Variants in LTBP1 observed in about 807,000 individuals in gnomAD.
The protein encoded by LTBP1 is latent-transforming growth factor beta-binding protein 1.
In LTBP1, 129 loss-of-function variants were observed where a neutral mutation model predicts 207.6. The ratio of observed to expected loss-of-function variants is 0.62; its 90% confidence interval spans 0.54 to 0.72. LTBP1 has a LOEUF of 0.72. Ranked by LOEUF, LTBP1 falls within the 30% of genes least tolerant of loss-of-function variation. LTBP1 has a pLI of 0.00. For missense variants in LTBP1, 2,281 were observed against 2,217.2 expected (o/e 1.03, Z -0.58); for synonymous variants, 963 against 833.7 (o/e 1.16, Z -2.67).
intron 2 of LTBP1, among the ~76,000 whole-genome samples, chr2:33,015,350 C>T (rs950396350): frequency 2.6e-5 from 4 of 151,880 alleles, no homozygotes; most frequent in African/African-American, 9.7e-5. Context: ...TAGATGTTAC[C>T]ATGTAATGAA....
chr2:33,381,194 A>C (rs1223017327), intron 31 of LTBP1, among the ~76,000 whole-genome samples: 1 of 152,254 alleles, frequency 6.6e-6, no homozygotes, highest in Non-Finnish European at 1.5e-5. Context: ...TGCCCCAGAT[A>C]CATTGGCAAT....
At chr2:33,367,335 A>G (rs912376964) in intron 31 of LTBP1, among the ~76,000 whole-genome samples, 2 of 152,208 alleles carry the variant, frequency 1.3e-5, no homozygotes, top group Admixed American at 6.5e-5. Context: ...AAAATAGATG[A>G]AAGTTAGAAC....
chr2:33,262,917 G>A lies in LTBP1; in HGVS notation c.2518+96G>A, dbSNP rs2093059302. The A allele has an allele frequency of 9.4e-6, 7 of 745,528 alleles. No homozygotes were observed. The South Asian group carries it at 9.8e-5, about 10-fold the overall frequency. The allele number at this position is 745,528 out of a possible 1,614,324, so 46.2% of individuals were successfully genotyped here. A position where few individuals can be genotyped will look rare whatever the true frequency, so the allele number is the denominator to read the frequency against. ...TTTGACTTTGTGTAGTAAATTACTA[G>A]ACTTCATAACTGAAGTTCAGTGTTA... is the stretch of plus-strand genomic sequence containing the variant. On this transcript the variant is annotated intron_variant, in intron 14 of 33. Coordinates refer to ENST00000404816, the MANE Select transcript of LTBP1 (RefSeq NM_206943.4).
At chr2:33,318,393 G>C (rs1416583565) in intron 24 of LTBP1, among the ~76,000 whole-genome samples, 2 of 152,170 alleles carry the variant, frequency 1.3e-5, no homozygotes, top group Non-Finnish European at 2.9e-5. Flanking sequence ...TCTGGTTCCA[G>C]GCCTTGTTCC....
intron 4 of LTBP1, among the ~76,000 whole-genome samples, chr2:33,132,542 A>G (rs145812171): frequency 1.2e-3 from 190 of 152,310 alleles, no homozygotes; most frequent in Admixed American, 2.0e-3. Context: ...TATAGTTACA[A>G]TTTGGCCCTT....
Position 33,243,913 on chromosome 2 carries a change from A to T in LTBP1, c.1999+129A>T, listed in dbSNP as rs878924067. On this transcript the variant is annotated intron_variant, in intron 10 of 33. Transcript: ENST00000404816. ...CAGGAAAACCTCATTAATTAAAATAACAAGCAAGGGGCCTGCCTGATGTAG... is the reference window on the plus strand; with the variant it reads ...CAGGAAAACCTCATTAATTAAAATATCAAGCAAGGGGCCTGCCTGATGTAG... The T allele has an allele frequency of 3.1e-5, 32 of 1,024,336 alleles. No homozygotes were observed. The South Asian group carries it at 4.7e-4, about 15-fold the overall frequency. 63.5% of individuals were successfully genotyped at this position (1,024,336 alleles called of 1,614,324 possible). A position where few individuals can be genotyped will look rare whatever the true frequency, so the allele number is the denominator to read the frequency against.
chr2:32,949,017 C>A, intron 2 of LTBP1, 72 bp downstream of exon 2: 1 of 1,430,942 alleles, frequency 7.0e-7, no homozygotes, highest in South Asian at 1.1e-5. Flanking sequence ...GGGGGCATCT[C>A]ACAAGGGCCA....
At chr2:33,206,403 C>T (rs1208891811) in intron 7 of LTBP1, among the ~76,000 whole-genome samples, 1 of 152,132 alleles carries the variant, frequency 6.6e-6, no homozygotes, top group Non-Finnish European at 1.5e-5. Flanking sequence ...TCTTTATAGA[C>T]ATGAAGCTTA....
intron 2 of LTBP1, among the ~76,000 whole-genome samples, chr2:32,984,737 A>G (rs538655444): frequency 1.3e-5 from 2 of 151,322 alleles, no homozygotes; most frequent in Admixed American, 6.6e-5. Flanking sequence ...CCTGGCCAAC[A>G]TGGTGAAACC....
chr2:33,237,347 T>A (rs2092099589), intron 9 of LTBP1, among the ~76,000 whole-genome samples: 2 of 152,216 alleles, frequency 1.3e-5, no homozygotes, highest in African/African-American at 4.8e-5. Context: ...ACCCCTCTTT[T>A]AGCAGAGGTC....
chr2:33,194,159 G>T (rs766464672), intron 7 of LTBP1, among the ~76,000 whole-genome samples: 1 of 151,900 alleles, frequency 6.6e-6, no homozygotes, highest in Non-Finnish European at 1.5e-5. Flanking sequence ...GGTAATTTTT[G>T]TATTTTTATT....
At chr2:33,394,227 T>C (rs1015599801) in intron 32 of LTBP1, among the ~76,000 whole-genome samples, 1 of 152,212 alleles carries the variant, frequency 6.6e-6, no homozygotes, top group African/African-American at 2.4e-5. Context: ...TGTAAAAATT[T>C]TCTCCCATTC....
At chr2:33,194,045 G>C (rs932885846) in intron 7 of LTBP1, among the ~76,000 whole-genome samples, 1 of 152,054 alleles carries the variant, frequency 6.6e-6, no homozygotes, top group African/African-American at 2.4e-5. Flanking sequence ...GGAGTGCAGT[G>C]GCACGATCCT....
At chr2:32,960,851 A>G (rs1230170485) in intron 2 of LTBP1, among the ~76,000 whole-genome samples, 1 of 152,146 alleles carries the variant, frequency 6.6e-6, no homozygotes, top group Admixed American at 6.6e-5. Context: ...AACATAGGTC[A>G]TTATCGTTGG....
At chr2:33,228,945 C>G (rs1479849891) in intron 9 of LTBP1, among the ~76,000 whole-genome samples, 3 of 151,890 alleles carry the variant, frequency 2.0e-5, no homozygotes, top group African/African-American at 7.3e-5. Flanking sequence ...CTGATTCACC[C>G]ACCTCAGCCT....
At chr2:33,206,357 A>G (rs2089873811) in intron 7 of LTBP1, among the ~76,000 whole-genome samples, 1 of 152,200 alleles carries the variant, frequency 6.6e-6, no homozygotes, top group Non-Finnish European at 1.5e-5. Context: ...ACATAGTGCT[A>G]TGAGGCCTAA....
chr2:33,228,153 T>G (rs2091560249), intron 9 of LTBP1, among the ~76,000 whole-genome samples: 1 of 152,180 alleles, frequency 6.6e-6, no homozygotes, highest in Non-Finnish European at 1.5e-5. Context: ...TACCAATGAC[T>G]TACAAATAAA....
chr2:33,039,667 G>C (rs1199689063), intron 3 of LTBP1, among the ~76,000 whole-genome samples: 2 of 152,208 alleles, frequency 1.3e-5, no homozygotes, highest in African/African-American at 4.8e-5. Context: ...TGTTGTGTTT[G>C]TGGGGGGCCA....
intron 3 of LTBP1, among the ~76,000 whole-genome samples, chr2:33,052,831 A>T: frequency 6.6e-6 from 1 of 151,548 alleles, no homozygotes; most frequent in Middle Eastern, 3.2e-3. Flanking sequence ...AGTCATTGTA[A>T]GCTCTTTCAG....
Sources: allele counts gnomAD v4.1 joint callset (sites outside exome capture counted in the v4.1 genomes callset), GRCh38; gene constraint gnomAD v4.1.1; transcripts MANE v1.5; gene names NCBI Gene and HGNC (gene_info 2026-07-23, HGNC 2026-07-21).